The following TASOR2 variants were observed in gnomAD, a reference collection of about 807,000 sequenced individuals.
The protein encoded by TASOR2 is transcription activation suppressor family member 2, also known as protein TASOR 2.
TASOR2 carries 84 observed loss-of-function variants against 199.5 expected under a neutral mutation model. The ratio of observed to expected loss-of-function variants is 0.42; its 90% CI spans 0.35 to 0.50. TASOR2 has a LOEUF of 0.50. Among genes scored for constraint, TASOR2 ranks in the 20% least tolerant of loss-of-function variants. TASOR2 has a pLI of 0.02. For missense variants in TASOR2, 2,796 were observed against 2,835.9 expected (o/e 0.99, Z 0.32); for synonymous variants, 1,103 against 1,046.6 (o/e 1.05, Z -1.04).
At chr10:5,684,852 G>C (rs1835624855) in exon 1 of TASOR2, 3 of 396,436 alleles carry the variant, frequency 7.6e-6, no homozygotes, top group Non-Finnish European at 1.3e-5. Context: ...CCGGTTGCTA[G>C]CGCCGGTCAG....
intron 8 of TASOR2, among the ~76,000 whole-genome samples, chr10:5,725,078 C>T (rs1833876516): frequency 6.6e-6 from 1 of 152,114 alleles, no homozygotes; most frequent in South Asian, 2.1e-4. Flanking sequence ...GGGTGGGTAG[C>T]ATCTACAGCA....
intron 18 of TASOR2, among the ~76,000 whole-genome samples, chr10:5,760,114 C>A (rs1385057250): frequency 6.6e-6 from 1 of 152,174 alleles, no homozygotes; most frequent in Non-Finnish European, 1.5e-5. Flanking sequence ...AGTGTACTTA[C>A]ACAAACTGAT....
chr10:5,693,319 G>A (rs1245342560), intron 1 of TASOR2, among the ~76,000 whole-genome samples: 1 of 152,106 alleles, frequency 6.6e-6, no homozygotes, highest in Admixed American at 6.5e-5. Context: ...TGTAGAACAG[G>A]GATTGCACAT....
In TASOR2 at chr10:5,740,363, T is replaced by A; in HGVS notation, c.2193T>A (p.Ser731=). 2.5e-6 allele frequency: 4 copies of A among 1,614,204 alleles called. No individual in the cohort carries two copies. Among genetic ancestry groups the A allele is most frequent in the Non-Finnish European group, 3.4e-6 (4 of 1,180,030 alleles). Residue 731 remains serine (S), a synonymous_variant, in exon 13 of 21, where the codon TCT becomes TCA. Transcript: ENST00000328090. The surrounding 1 kb of genome is among the most constrained non-coding windows in gnomAD (Gnocchi z 5.3). ...CGTCTGCCCGTGTGAAAAAATCTTC[T>A]TGCTCTCGTATAGTGCTTAGCTGTG...
At chr10:5,700,794 C>CTGTGTG (rs145379583) in intron 1 of TASOR2, among the ~76,000 whole-genome samples, 99 of 149,420 alleles carry the variant, frequency 6.6e-4, no homozygotes, top group African/African-American at 1.8e-3. Context: ...GGGGGTGTGT[C>CTGTGTG]TGTGTGTGTG....
At chr10:5,734,999 T>TTTTG (rs904076390) in intron 11 of TASOR2, among the ~76,000 whole-genome samples, 4 of 152,038 alleles carry the variant, frequency 2.6e-5, no homozygotes, top group South Asian at 2.1e-4. Flanking sequence ...CAGCCCAAAG[T>TTTTG]TTTGTTTGTT....
Position 5,750,518 on chromosome 10 carries a change from GCCTGTCTTGATTGAA to G in TASOR2, c.6606+504_6606+518del, listed in dbSNP as rs1246041493. ...ATGGTGAAATTCTGGCATGGGCGGA[GCCTGTCTTGATTGAA>G]CCTGTCTTGATTCACCATTAACTTC... On this transcript the variant is annotated intron_variant, in intron 15 of 20. Transcript: ENST00000328090. The surrounding 1 kb of genome is among the most constrained non-coding windows in gnomAD (Gnocchi z 5.4). Among the ~76,000 whole-genome samples the G allele has an allele frequency of 6.6e-6, 1 of 152,180 alleles. No individual in the cohort carries two copies. The highest frequency in any genetic ancestry group is 2.4e-5 in the African/African-American group (1 of 41,446).
intron 11 of TASOR2, among the ~76,000 whole-genome samples, chr10:5,733,114 A>T (rs1386011855): frequency 6.6e-6 from 1 of 152,154 alleles, no homozygotes; most frequent in East Asian, 1.9e-4. Flanking sequence ...AATATGTTTG[A>T]TATTATATTC....
At chr10:5,692,735 C>CG (rs1836593508) in intron 1 of TASOR2, 1 of 151,834 alleles carries the variant, frequency 6.6e-6, no homozygotes, top group African/African-American at 2.4e-5. Flanking sequence ...CCCTGGGCTC[C>CG]GCTCGCGGAG....
In TASOR2 at chr10:5,756,157, A is replaced by G. The variant is rs564312034; in HGVS notation, c.6607-456A>G. Among the ~76,000 whole-genome samples, 15 of 152,292 alleles carry G rather than the reference A, an allele frequency of 9.8e-5. 1 individual carries two copies. In the East Asian group the frequency reaches 2.9e-3, roughly 29 times the overall value. On this transcript the variant is annotated intron_variant, in intron 15 of 20. Coordinates refer to ENST00000328090, the Ensembl canonical transcript of TASOR2. The stretch of plus-strand genomic sequence containing the variant: ...CACCGTACAATCGCATGCTGTTTCA[A>G]CTGCATCACCTGTCTTATTCTGAGA...
exon 15 of TASOR2, chr10:5,747,869 T>C: frequency 6.2e-7 from 1 of 1,613,794 alleles, no homozygotes; most frequent in Non-Finnish European, 8.5e-7. Context: ...CCTCTAATAT[T>C]AACTGATCAT....
chr10:5,714,684 T>G (rs1422944283), intron 2 of TASOR2: 1 of 152,262 alleles, frequency 6.6e-6, no homozygotes, highest in African/African-American at 2.4e-5. Flanking sequence ...AAGATTCAGT[T>G]TCTTCATGTG....
chr10:5,719,113 C>T lies in TASOR2; in HGVS notation c.-100+1363C>T, dbSNP rs1833032113. On this transcript the variant is annotated intron_variant, in intron 3 of 20. Transcript: ENST00000328090. This position sits in a 1 kb window ranked among gnomAD's most constrained non-coding sequence, Gnocchi z 4.1. Reference sequence around the variant, plus strand: ...CTTGGTGGTTTGGCCTTTGGTGGGTCTGTAAATGAAGAGGCAGGACTTAAA... The same window carrying T: ...CTTGGTGGTTTGGCCTTTGGTGGGTTTGTAAATGAAGAGGCAGGACTTAAA... Among the ~76,000 whole-genome samples, 1 of 152,068 alleles carries T rather than the reference C, an allele frequency of 6.6e-6. No homozygotes were observed. The highest frequency in any genetic ancestry group is 1.5e-5 in the Non-Finnish European group (1 of 68,012).
rs552843219 is a variant in TASOR2 at position 5,735,744 on chromosome 10, C to T, written c.1447+198C>T. Among the ~76,000 whole-genome samples, 155 of 152,066 alleles carry T rather than the reference C, an allele frequency of 1.0e-3. 1 individual carries two copies. Among genetic ancestry groups the T allele is most frequent in the African/African-American group, 3.6e-3 (148 of 41,470 alleles). On this transcript the variant is annotated intron_variant, in intron 12 of 20. Transcript: ENST00000328090. ...ATTAGGAAGGTACAAAAGCTCAAAC[C>T]TTCAAAAACATAGAGCCTACTTTTT... is the stretch of plus-strand genomic sequence containing the variant.
Position 5,701,509 on chromosome 10 carries a change from A to G in TASOR2, c.-287-11314A>G, listed in dbSNP as rs910963371. On this transcript the variant is annotated intron_variant, in intron 1 of 20. Coordinates refer to ENST00000328090, the Ensembl canonical transcript of TASOR2. This position sits in a 1 kb window ranked among gnomAD's most constrained non-coding sequence, Gnocchi z 4.9. ...TTTCTGTGAAGAAGAATGTCATTGG[A>G]ATTTTGATAGGGATTGATTGCATTG... 2.0e-5 allele frequency among the ~76,000 whole-genome samples: 3 copies of G among 152,110 alleles called. No individual in the cohort carries two copies. Among genetic ancestry groups the G allele is most frequent in the African/African-American group, 7.2e-5 (3 of 41,436 alleles).
intron 1 of TASOR2, chr10:5,709,595 A>T: frequency 8.1e-7 from 1 of 1,231,110 alleles, no homozygotes; most frequent in East Asian, 3.2e-5. Flanking sequence ...GGTGAAAATG[A>T]ATTAAGACCA....
At position 5,742,513 on chromosome 10, in the gene TASOR2, C is replaced by A; in HGVS notation, c.2744C>A (p.Ser915Tyr). 1 of 1,612,950 alleles carries A rather than the reference C, an allele frequency of 6.2e-7. No individual in the cohort carries two copies. Among genetic ancestry groups the A allele is most frequent in the South Asian group, 1.1e-5 (1 of 90,886 alleles). The change falls in exon 14 of 21, where the codon TCT (serine) becomes TAT (tyrosine). Residue 915 changes from serine to tyrosine, a missense_variant. Coordinates refer to ENST00000328090, the Ensembl canonical transcript of TASOR2. The surrounding 1 kb of genome is among the most constrained non-coding windows in gnomAD (Gnocchi z 4.2). ...CAAGAAGACCAGAATTTCATCTGTT[C>A]TTACAATAATGAGGTATGTAAAGCT...
Position 5,757,566 on chromosome 10 carries a change from C to CTGGA in TASOR2, c.6780_6783dup (p.Val2262TrpfsTer10). ...AAGCATTTCCCCAGTGTCATCTTTG[C>CTGGA]TGGAGTAGACAGCCCTGGAGATGTT... On this transcript the variant is annotated frameshift_variant, in exon 17 of 21. Transcript: ENST00000328090. LOFTEE classifies it high-confidence loss of function. 6.2e-7 allele frequency: 1 copy of CTGGA among 1,612,156 alleles called. No homozygotes were observed.
At chr10:5,759,078 C>G in intron 18 of TASOR2, 86 bp downstream of exon 19, 1 of 907,168 alleles carries the variant, frequency 1.1e-6, no homozygotes, top group East Asian at 2.5e-5. Context: ...TAGCCTAGTG[C>G]TGCAGTGGAA....
Sources: allele counts gnomAD v4.1 joint callset (sites outside exome capture counted in the v4.1 genomes callset), GRCh38; gene constraint gnomAD v4.1.1; non-coding constraint Gnocchi (gnomAD v3.1); transcripts MANE v1.5; gene names NCBI Gene and HGNC (gene_info 2026-07-23, HGNC 2026-07-21).